Variants in RIC8B observed in about 807,000 individuals in gnomAD.
RIC8B encodes the protein chaperone Ric-8B.
A neutral mutation model predicts 57.5 loss-of-function variants in RIC8B; 16 were observed. That is an observed-to-expected ratio of 0.28 (90% CI 0.19 to 0.42). The LOEUF (loss-of-function observed/expected upper bound fraction) is 0.42. RIC8B is among the 10% of genes least tolerant of loss of function. The pLI is 1.00. For synonymous variants in RIC8B, 216 were observed against 250.8 expected, an observed-to-expected ratio of 0.86 and a Z score of 1.31; for missense variants, 481 against 677.0, an observed-to-expected ratio of 0.71 and a Z score of 3.21.
intron 1 of RIC8B, among the ~76,000 whole-genome samples, chr12:106,783,572 C>G (rs1451048364): frequency 1.3e-5 from 2 of 152,250 alleles, no homozygotes; most frequent in Non-Finnish European, 2.9e-5. Flanking sequence ...ATGCCCCACC[C>G]CAAACGTATG....
chr12:106,775,085 G>A (rs1037779871), intron 1 of RIC8B, among the ~76,000 whole-genome samples: 1 of 152,140 alleles, frequency 6.6e-6, no homozygotes, highest in African/African-American at 2.4e-5. Context: ...CCTCTCAAGC[G>A]TGCAAGTCAC....
chr12:106,828,078 A>G (rs1204056390), intron 4 of RIC8B, among the ~76,000 whole-genome samples: 3 of 152,234 alleles, frequency 2.0e-5, no homozygotes, highest in African/African-American at 7.2e-5. Flanking sequence ...TTCCTTAGTG[A>G]TGCTAGCTTT....
intron 2 of RIC8B, among the ~76,000 whole-genome samples, chr12:106,806,865 A>G (rs971304071): frequency 6.6e-6 from 1 of 152,348 alleles, no homozygotes; most frequent in Admixed American, 6.5e-5. Context: ...CCTTATTCAT[A>G]TAGAAAGCAT....
intron 4 of RIC8B, among the ~76,000 whole-genome samples, chr12:106,837,839 A>G (rs1028324573): frequency 6.6e-6 from 1 of 151,984 alleles, no homozygotes; most frequent in African/African-American, 2.4e-5. Flanking sequence ...ATGGGGTTTT[A>G]GCACGTTGGC....
In RIC8B at chr12:106,886,039, A is replaced by T; in HGVS notation, c.*24A>T. On this transcript the variant is annotated 3_prime_UTR_variant, in exon 10 of 10. Transcript: ENST00000392837. ...AAAAGCATCACCTGCTCAACTCTCA[A>T]TATTGCTTTATCAGCATCTTTTCTC... The T allele has an allele frequency of 6.8e-7, 1 of 1,461,380 alleles. No homozygotes were observed. The highest frequency in any genetic ancestry group is 9.6e-7 in the Non-Finnish European group (1 of 1,041,892). The allele number at this position is 1,461,380 out of a possible 1,614,324, so 90.5% of individuals were successfully genotyped here.
At chr12:106,844,531 A>T (rs1004276784) in intron 6 of RIC8B, among the ~76,000 whole-genome samples, 23 of 152,346 alleles carry the variant, frequency 1.5e-4, no homozygotes, top group African/African-American at 4.8e-4. Context: ...AACAAGAGCC[A>T]GATACAGCAG....
In RIC8B at chr12:106,888,684, T is replaced by C. The variant is rs1393451617; in HGVS notation, c.*2669T>C. ...AGGGAAGTGACCTGAAGTGGAAGTA[T>C]GAGTGGGAAACTTGCATGGTCAGCA... On this transcript the variant is annotated 3_prime_UTR_variant, in exon 10 of 10. Transcript: ENST00000392837. The C allele has an allele frequency of 1.3e-5, 2 of 152,630 alleles. No individual in the cohort carries two copies. The highest frequency in any genetic ancestry group is 2.9e-5 in the Non-Finnish European group (2 of 68,054). The allele number at this position is 152,630 out of a possible 1,614,324, so 9.5% of individuals were successfully genotyped here.
rs1172188441 is a variant in RIC8B at position 106,814,726 on chromosome 12, A to T, written c.163A>T (p.Ile55Leu). The T allele has an allele frequency of 1.1e-5, 17 of 1,610,378 alleles. No individual in the cohort carries two copies. The highest frequency in any genetic ancestry group is 1.4e-5 in the Non-Finnish European group (16 of 1,178,596). ...CTGTGAAGGCATATTTAAAGTCCTT[A>T]TAAAGGACATCCCAACAACATGTCA... The part of the protein sequence containing the change: ...KLCEGIFKVL[I>L]KDIPTTCQVS... Residue 55 changes from isoleucine (I) to leucine (L), a missense_variant, in exon 3 of 10, where the codon ATA becomes TTA. Physicochemically the swap from Ile to Leu is conservative, Grantham distance 5. Coordinates refer to ENST00000392837, the MANE Select transcript of RIC8B (RefSeq NM_001330145.2).
At position 106,888,423 on chromosome 12, in the gene RIC8B, T is replaced by G. The variant is rs1951270878; in HGVS notation, c.*2408T>G. On this transcript the variant is annotated 3_prime_UTR_variant, in exon 10 of 10. Coordinates refer to ENST00000392837, the MANE Select transcript of RIC8B (RefSeq NM_001330145.2). ...ACCTCACCTTATCGCATATGAAAGATCCTCTCCAGAAAGCTTATGAAAGTT... is the reference window on the plus strand; with the variant it reads ...ACCTCACCTTATCGCATATGAAAGAGCCTCTCCAGAAAGCTTATGAAAGTT... The G allele has an allele frequency of 6.6e-6, 1 of 152,516 alleles. No individual in the cohort carries two copies. The highest frequency in any genetic ancestry group is 2.1e-4 in the South Asian group (1 of 4,832). The allele number at this position is 152,516 out of a possible 1,614,324, so 9.4% of individuals were successfully genotyped here. A position where few individuals can be genotyped will look rare whatever the true frequency, so the allele number is the denominator to read the frequency against.
chr12:106,858,751 T>G (rs1397930542), intron 7 of RIC8B, among the ~76,000 whole-genome samples: 1 of 152,110 alleles, frequency 6.6e-6, no homozygotes, highest in Non-Finnish European at 1.5e-5. Flanking sequence ...ATGTTTCCTT[T>G]TGCACAAATT....
At chr12:106,842,892 T>C (rs1949021368) in intron 5 of RIC8B, 75 bp downstream of exon 5, 3 of 835,594 alleles carry the variant, frequency 3.6e-6, no homozygotes, top group African/African-American at 3.4e-5. Context: ...CAGACACACA[T>C]CACAGAGCAT....
At position 106,888,360 on chromosome 12, in the gene RIC8B, A is replaced by C. The variant is rs1951268701; in HGVS notation, c.*2345A>C. 6.6e-6 allele frequency: 1 copy of C among 152,270 alleles called. No homozygotes were observed. Among genetic ancestry groups the C allele is most frequent in the African/African-American group, 2.4e-5 (1 of 41,468 alleles). The allele number at this position is 152,270 out of a possible 1,614,324, so 9.4% of individuals were successfully genotyped here. ...GAGAACTAATATCTGTTAAGTGCTTACTACATGCTGGGCTTTTGATGTATG... is the reference window on the plus strand; with the variant it reads ...GAGAACTAATATCTGTTAAGTGCTTCCTACATGCTGGGCTTTTGATGTATG... On this transcript the variant is annotated 3_prime_UTR_variant, in exon 10 of 10. Transcript: ENST00000392837.
At chr12:106,796,144 C>T (rs558856755) in intron 2 of RIC8B, among the ~76,000 whole-genome samples, 27 of 152,260 alleles carry the variant, frequency 1.8e-4, no homozygotes, top group Middle Eastern at 3.4e-3. Flanking sequence ...TAGAAATTGA[C>T]AAGCTAGTTC....
intron 1 of RIC8B, among the ~76,000 whole-genome samples, chr12:106,779,228 T>C (rs1267885258): frequency 6.9e-6 from 1 of 144,356 alleles, no homozygotes; most frequent in South Asian, 2.3e-4. Flanking sequence ...TATCCTCCTA[T>C]ATACATTTTT....
At position 106,836,637 on chromosome 12, in the gene RIC8B, G is replaced by T. The variant is rs751497823; in HGVS notation, c.837-5952G>T. ...AACCACTTCACTGTTAATACCTTGT[G>T]CACTCACCTGAATTATTGCAGTAAC... On this transcript the variant is annotated intron_variant, in intron 4 of 9. Coordinates refer to ENST00000392837, the MANE Select transcript of RIC8B (RefSeq NM_001330145.2). 3.9e-5 allele frequency among the ~76,000 whole-genome samples: 6 copies of T among 152,116 alleles called. No individual in the cohort carries two copies. The East Asian group carries it at 1.2e-3, about 29-fold the overall frequency.
intron 3 of RIC8B, among the ~76,000 whole-genome samples, chr12:106,820,967 T>C (rs2045814293): frequency 6.6e-6 from 1 of 152,226 alleles, no homozygotes; most frequent in Non-Finnish European, 1.5e-5. Context: ...TAGGGACTTC[T>C]TTTCTCTCTC....
chr12:106,792,656 G>A, intron 2 of RIC8B, among the ~76,000 whole-genome samples: 1 of 152,118 alleles, frequency 6.6e-6, no homozygotes, highest in East Asian at 1.9e-4. Flanking sequence ...AAGAAAAGTG[G>A]GCCGGATGCT....
At chr12:106,786,903 A>G (rs1012660389) in intron 2 of RIC8B, among the ~76,000 whole-genome samples, 2 of 152,182 alleles carry the variant, frequency 1.3e-5, no homozygotes, top group Non-Finnish European at 2.9e-5. Flanking sequence ...GAAGATCCAT[A>G]CTATATCCAT....
At chr12:106,851,800 T>C (rs1949487490) in intron 7 of RIC8B, among the ~76,000 whole-genome samples, 1 of 152,190 alleles carries the variant, frequency 6.6e-6, no homozygotes, top group African/African-American at 2.4e-5. Flanking sequence ...CAAAGACAGA[T>C]ACATTACCAA....
Sources: gnomAD v4.1 joint callset for allele counts (sites outside exome capture counted in the v4.1 genomes callset) on GRCh38, gnomAD v4.1.1 for gene constraint, MANE v1.5 for transcripts, NCBI Gene and HGNC (gene_info 2026-07-23, HGNC 2026-07-21) for gene names.